The following MYCBP2 variants were observed in gnomAD, a reference collection of about 807,000 sequenced individuals.
MYCBP2 encodes the protein E3 ubiquitin-protein ligase MYCBP2.
MYCBP2 carries 120 observed loss-of-function variants against 525.3 expected under a neutral mutation model. The observed-to-expected ratio is 0.23, with a 90% CI of 0.20 to 0.27. The LOEUF (loss-of-function observed/expected upper bound fraction) is 0.27. Ranked by LOEUF, MYCBP2 falls within the 10% of genes least tolerant of loss-of-function variation. The pLI, the probability that MYCBP2 is intolerant of heterozygous loss-of-function variation, is 1.00. For synonymous variants in MYCBP2, 1,894 were observed against 1,955.8 expected, an observed-to-expected ratio of 0.97 and a Z score of 0.83; for missense variants, 4,149 against 5,657.1, an observed-to-expected ratio of 0.73 and a Z score of 8.55.
chr13:77,073,570 T>C (rs1360663030), intron 68 of MYCBP2, among the ~76,000 whole-genome samples: 8 of 152,056 alleles, frequency 5.3e-5, no homozygotes, highest in African/African-American at 1.9e-4. Context: ...AGAAAAGAAA[T>C]TTAAGGCATA....
At chr13:77,279,027 G>C (rs1016663886) in intron 3 of MYCBP2, 116 bp from the exon 4 acceptor site, 1 of 586,802 alleles carries the variant, frequency 1.7e-6, no homozygotes, top group African/African-American at 1.9e-5. Flanking sequence ...ATGTATAATG[G>C]AGCCATAATA....
intron 25 of MYCBP2, 21 bp from the exon 26 acceptor site, chr13:77,205,404 T>C: frequency 6.2e-7 from 1 of 1,611,990 alleles, no homozygotes; most frequent in African/African-American, 1.3e-5. Context: ...TAAATCATAA[T>C]CTATGTTTTA....
intron 26 of MYCBP2, among the ~76,000 whole-genome samples, chr13:77,202,868 T>C: frequency 6.6e-6 from 1 of 152,186 alleles, no homozygotes; most frequent in African/African-American, 2.4e-5. Context: ...AAACTCTCAA[T>C]AAATTAGGTA....
At chr13:77,079,780 A>G (rs911777777) in intron 65 of MYCBP2, among the ~76,000 whole-genome samples, 11 of 152,320 alleles carry the variant, frequency 7.2e-5, no homozygotes, top group Admixed American at 4.6e-4. Context: ...ATGCTCCAAT[A>G]TGCATTTCCT....
chr13:77,081,903 T>G lies in MYCBP2; in HGVS notation c.11127A>C (p.Ser3709=). The part of the protein sequence containing the change: ...FHHINNILSK[S]DDGDSEESFS... Reference sequence around the variant, plus strand: ...AACTCTCTTCACTATCGCCATCATCTGACTTTGACAAAATATTGTTAATGT... The same window carrying G: ...AACTCTCTTCACTATCGCCATCATCGGACTTTGACAAAATATTGTTAATGT... The change falls in exon 64 of 83, where the codon TCA becomes TCC. Residue 3709 remains serine (S), a synonymous_variant. Coordinates refer to ENST00000544440, the MANE Select transcript of MYCBP2 (RefSeq NM_015057.5). This position sits in a 1 kb window ranked among gnomAD's most constrained non-coding sequence, Gnocchi z 4.6. 1.2e-6 allele frequency: 2 copies of G among 1,613,788 alleles called. No individual in the cohort carries two copies. The highest frequency in any genetic ancestry group is 1.7e-6 in the Non-Finnish European group (2 of 1,179,778).
chr13:77,261,957 T>C (rs1281507108), intron 11 of MYCBP2, 96 bp downstream of exon 11: 4 of 947,606 alleles, frequency 4.2e-6, no homozygotes, highest in Non-Finnish European at 6.1e-6. Context: ...AGATGATTCT[T>C]CTTAAACATG....
chr13:77,077,043 T>C lies in MYCBP2; in HGVS notation c.11724+105A>G, dbSNP rs2042441172. 2.7e-6 allele frequency: 4 copies of C among 1,472,342 alleles called. No individual in the cohort carries two copies. The Admixed American group carries it at 6.4e-5, about 24-fold the overall frequency. 91.2% of individuals were successfully genotyped at this position (1,472,342 alleles called of 1,614,324 possible). A position where few individuals can be genotyped will look rare whatever the true frequency, so the allele number is the denominator to read the frequency against. ...ATGAAAAGAAAAAATGGGCAACATT[T>C]ATAGCCAGAAATTTCTGTAATAAGT... On this transcript the variant is annotated intron_variant, in intron 67 of 82. Coordinates refer to ENST00000544440, the MANE Select transcript of MYCBP2 (RefSeq NM_015057.5).
chr13:77,305,787 AC>A (rs2079342603), intron 1 of MYCBP2, among the ~76,000 whole-genome samples: 3 of 152,144 alleles, frequency 2.0e-5, no homozygotes, highest in Non-Finnish European at 4.4e-5. Flanking sequence ...AAGAAACAAA[AC>A]ATATGATCAC....
chr13:77,151,439 C>T (rs936910412), intron 46 of MYCBP2, among the ~76,000 whole-genome samples: 3 of 152,084 alleles, frequency 2.0e-5, no homozygotes, highest in Non-Finnish European at 4.4e-5. Context: ...AAATCTTATA[C>T]CTAAAGCCCA....
chr13:77,119,670 C>T (rs1030617244), intron 55 of MYCBP2, among the ~76,000 whole-genome samples: 16 of 152,152 alleles, frequency 1.1e-4, no homozygotes, highest in Admixed American at 3.3e-4. Context: ...TATTTCTTTG[C>T]TCCTTCTAAA....
intron 55 of MYCBP2, among the ~76,000 whole-genome samples, chr13:77,107,674 G>A (rs767029782): frequency 6.6e-6 from 1 of 152,074 alleles, no homozygotes; most frequent in Non-Finnish European, 1.5e-5. Flanking sequence ...GGAGAGGGAG[G>A]TTGCAGTGAG....
chr13:77,127,743 A>G (rs892960123), intron 52 of MYCBP2, among the ~76,000 whole-genome samples: 3 of 151,926 alleles, frequency 2.0e-5, no homozygotes, highest in Non-Finnish European at 2.9e-5. Flanking sequence ...ACAGTAACAC[A>G]GTAGAATATT....
chr13:77,202,086 A>C (rs1051315329), intron 26 of MYCBP2, among the ~76,000 whole-genome samples: 2 of 152,214 alleles, frequency 1.3e-5, no homozygotes, highest in African/African-American at 4.8e-5. Flanking sequence ...CCTTCAAAAA[A>C]TTAATGAATC....
At position 77,061,191 on chromosome 13, in the gene MYCBP2, C is replaced by T. The variant is rs769857801; in HGVS notation, c.13014G>A (p.Met4338Ile). The T allele has an allele frequency of 1.9e-6, 3 of 1,607,484 alleles. No homozygotes were observed. The highest frequency in any genetic ancestry group is 2.5e-6 in the Non-Finnish European group (3 of 1,177,134). Residue 4338 changes from methionine (M) to isoleucine (I), a missense_variant, in exon 76 of 83, where the codon ATG becomes ATA. Physicochemically the swap from Met to Ile is conservative, Grantham distance 10 (BLOSUM62 1). This residue lies in a region of MYCBP2 where 220 missense variants were observed against 396.0 expected (regional missense o/e 0.56). Coordinates refer to ENST00000544440, the MANE Select transcript of MYCBP2 (RefSeq NM_015057.5). ...ALADSKTMKA[M>I]VEFREHTGKP... Reference sequence around the variant, plus strand: ...TACCTGTGTGTTCTCGGAATTCCACCATTGCCTTCATTGTTTTAGAATCTG... The same window carrying T: ...TACCTGTGTGTTCTCGGAATTCCACTATTGCCTTCATTGTTTTAGAATCTG...
chr13:77,201,782 C>G (rs1353448183), intron 26 of MYCBP2, among the ~76,000 whole-genome samples: 1 of 152,062 alleles, frequency 6.6e-6, no homozygotes, highest in Non-Finnish European at 1.5e-5. Flanking sequence ...ACAACCTGCT[C>G]CTGAATGACT....
chr13:77,260,107 C>T (rs764483387), intron 13 of MYCBP2, among the ~76,000 whole-genome samples: 3 of 152,134 alleles, frequency 2.0e-5, no homozygotes, highest in Non-Finnish European at 4.4e-5. Context: ...TCATGAAAAT[C>T]ACTTCTTCAG....
chr13:77,075,143 G>C (rs932549816), intron 68 of MYCBP2, among the ~76,000 whole-genome samples: 1 of 152,192 alleles, frequency 6.6e-6, no homozygotes, highest in African/African-American at 2.4e-5. Context: ...GGGAGGTTGA[G>C]GTTGCAGTGA....
intron 23 of MYCBP2, 67 bp from the exon 24 acceptor site, chr13:77,206,892 A>C (rs1460855917): frequency 7.8e-7 from 1 of 1,281,808 alleles, no homozygotes; most frequent in Admixed American, 3.0e-5. Flanking sequence ...TTCCTAAAAC[A>C]TAACTGATGA....
In MYCBP2 at chr13:77,185,360, C is replaced by A; in HGVS notation, c.4462G>T (p.Val1488Leu). Residue 1488 changes from valine to leucine, a missense_variant, in exon 32 of 83, where the codon GTA (valine) becomes TTA (leucine). Coordinates refer to ENST00000544440, the MANE Select transcript of MYCBP2 (RefSeq NM_015057.5). ...YPVSATGKAV[V>L]EETSKLAECI... ...TCTGCTAATTTGCTAGTTTCTTCTA[C>A]AACTGCTTTTCCTGTAGCTTTGAGG... 6.2e-7 allele frequency: 1 copy of A among 1,611,676 alleles called. No individual in the cohort carries two copies. The highest frequency in any genetic ancestry group is 8.5e-7 in the Non-Finnish European group (1 of 1,178,268).
Sources: allele counts gnomAD v4.1 joint callset (sites outside exome capture counted in the v4.1 genomes callset), GRCh38; gene constraint gnomAD v4.1.1; regional missense constraint gnomAD v4.1.1; non-coding constraint Gnocchi (gnomAD v3.1); transcripts MANE v1.5; gene names NCBI Gene and HGNC (gene_info 2026-07-23, HGNC 2026-07-21).